The following DLG2 variants were observed in gnomAD, a reference collection of about 807,000 sequenced individuals.
DLG2 encodes the protein discs large MAGUK scaffold protein 2.
In DLG2, 45 loss-of-function variants were observed where a neutral mutation model predicts 132.5. The observed-to-expected ratio is 0.34, with a 90% CI of 0.27 to 0.44. DLG2 has a LOEUF of 0.44. DLG2 is among the 20% of genes least tolerant of loss of function. The pLI, the probability that DLG2 is intolerant of heterozygous loss-of-function variation, is 1.00. For missense variants in DLG2, 1,045 were observed against 1,196.9 expected (o/e 0.87, Z 1.87); for synonymous variants, 424 against 419.6 (o/e 1.01, Z -0.13).
chr11:84,272,221 G>A (rs1288124247), intron 7 of DLG2: 4 of 390,002 alleles, frequency 1.0e-5, no homozygotes, highest in South Asian at 1.9e-5. Context: ...AAGTGATTTC[G>A]AAGTTACAGG....
intron 10 of DLG2, among the ~76,000 whole-genome samples, chr11:84,087,667 T>A (rs2097012168): frequency 6.6e-6 from 1 of 152,050 alleles, no homozygotes; most frequent in South Asian, 2.1e-4. Flanking sequence ...TAAAGAAGAG[T>A]TAGTAGAGTC....
chr11:83,937,530 A>G (rs561335729), intron 14 of DLG2, among the ~76,000 whole-genome samples: 171 of 132,404 alleles, frequency 1.3e-3, no homozygotes, highest in Non-Finnish European at 2.3e-3. Context: ...AAAAAAAAAA[A>G]TTGAAACCAC....
At chr11:83,763,005 T>A (rs1218802406) in intron 18 of DLG2, among the ~76,000 whole-genome samples, 1 of 152,182 alleles carries the variant, frequency 6.6e-6, no homozygotes, top group Non-Finnish European at 1.5e-5. Flanking sequence ...ATCTGCCAGG[T>A]TGGCTTTTTG....
chr11:83,512,090 C>T (rs1320487053), intron 21 of DLG2, among the ~76,000 whole-genome samples: 2 of 152,132 alleles, frequency 1.3e-5, no homozygotes, highest in African/African-American at 4.8e-5. Flanking sequence ...CTGGAGACAG[C>T]TCAAAGGCAC....
intron 16 of DLG2, among the ~76,000 whole-genome samples, chr11:83,837,055 C>A (rs923531834): frequency 1.3e-5 from 2 of 152,132 alleles, no homozygotes; most frequent in African/African-American, 4.8e-5. Context: ...CTGCCTTGAA[C>A]CACCTTATTC....
intron 7 of DLG2, among the ~76,000 whole-genome samples, chr11:84,382,872 A>AC (rs971947378): frequency 3.4e-5 from 3 of 88,052 alleles, no homozygotes; most frequent in Non-Finnish European, 6.7e-5. Context: ...ACTCCGTCAC[A>AC]AAAAAAAAAA....
intron 6 of DLG2, among the ~76,000 whole-genome samples, chr11:85,022,714 A>G (rs570544190): frequency 1.3e-4 from 20 of 152,112 alleles, no homozygotes; most frequent in Non-Finnish European, 2.4e-4. Context: ...CCTCCTCATT[A>G]TTAATATTCA....
intron 8 of DLG2, among the ~76,000 whole-genome samples, chr11:84,176,513 A>G (rs912326011): frequency 6.6e-6 from 1 of 151,786 alleles, no homozygotes; most frequent in Non-Finnish European, 1.5e-5. Flanking sequence ...TTTCTCTGTT[A>G]GATTCAATTA....
At chr11:84,314,628 T>C (rs2098335840) in intron 7 of DLG2, among the ~76,000 whole-genome samples, 8 of 152,094 alleles carry the variant, frequency 5.3e-5, no homozygotes, top group Admixed American at 5.2e-4. Flanking sequence ...GAATGCAGCA[T>C]TCTTTGGAAG....
intron 6 of DLG2, among the ~76,000 whole-genome samples, chr11:84,588,182 C>G (rs2099534260): frequency 6.6e-6 from 1 of 152,116 alleles, no homozygotes; most frequent in African/African-American, 2.4e-5. Flanking sequence ...ATTTGCTGAG[C>G]TCCTACTATG....
At chr11:83,616,831 A>G (rs1256476938) in intron 19 of DLG2, among the ~76,000 whole-genome samples, 1 of 152,072 alleles carries the variant, frequency 6.6e-6, no homozygotes, top group East Asian at 1.9e-4. Context: ...GTATAGTGTG[A>G]GGTTGGGTCA....
At chr11:84,860,748 T>C (rs1292828607) in intron 6 of DLG2, among the ~76,000 whole-genome samples, 1 of 151,990 alleles carries the variant, frequency 6.6e-6, no homozygotes, top group African/African-American at 2.4e-5. Flanking sequence ...TTTTGGAATA[T>C]TATGCATTAG....
At chr11:85,095,383 T>C (rs2069565434) in intron 6 of DLG2, among the ~76,000 whole-genome samples, 1 of 152,214 alleles carries the variant, frequency 6.6e-6, no homozygotes, top group South Asian at 2.1e-4. Context: ...AAATGAGTCA[T>C]TTTTGTATTG....
intron 7 of DLG2, among the ~76,000 whole-genome samples, chr11:84,298,602 T>C (rs1482372861): frequency 2.0e-5 from 3 of 152,210 alleles, no homozygotes. Context: ...AAGCTTCTAA[T>C]ACGATAGTTG....
rs535438039 is a variant in DLG2 at position 85,557,544 on chromosome 11, G to A, written c.40+41113C>T. The stretch of plus-strand genomic sequence containing the variant: ...CAATGCCAGAGTCATCACATTACCC[G>A]ACCTCAAACTACACCCTAAAGCTAC... On this transcript the variant is annotated intron_variant, in intron 3 of 27. Coordinates refer to ENST00000376104, the MANE Select transcript of DLG2 (RefSeq NM_001142699.3). Among the ~76,000 whole-genome samples the A allele has an allele frequency of 6.6e-5, 10 of 151,664 alleles. No individual in the cohort carries two copies. In the South Asian group the frequency reaches 1.0e-3, roughly 16 times the overall value.
intron 8 of DLG2, among the ~76,000 whole-genome samples, chr11:84,215,838 T>G (rs1395595561): frequency 6.6e-6 from 1 of 152,180 alleles, no homozygotes; most frequent in Non-Finnish European, 1.5e-5. Flanking sequence ...AAATGATGTA[T>G]TGGACAATGT....
chr11:83,928,843 A>G (rs113446797), intron 15 of DLG2, among the ~76,000 whole-genome samples: 2,463 of 152,318 alleles, frequency 0.016, 34 homozygotes, highest in South Asian at 0.032. Context: ...AGAGCTCAAT[A>G]AATGTTAGCT....
chr11:84,601,120 A>G (rs1433229110), intron 6 of DLG2, among the ~76,000 whole-genome samples: 1 of 152,160 alleles, frequency 6.6e-6, no homozygotes, highest in Non-Finnish European at 1.5e-5. Context: ...GATTGTACAC[A>G]GGTAACCCGC....
chr11:84,410,964 A>G (rs2154457763), intron 7 of DLG2, among the ~76,000 whole-genome samples: 1 of 152,286 alleles, frequency 6.6e-6, no homozygotes, highest in East Asian at 1.9e-4. Context: ...GTAGAATATC[A>G]TTTTCCTGTT....
Sources: gnomAD v4.1 joint callset for allele counts (sites outside exome capture counted in the v4.1 genomes callset) on GRCh38, gnomAD v4.1.1 for gene constraint, MANE v1.5 for transcripts, NCBI Gene and HGNC (gene_info 2026-07-23, HGNC 2026-07-21) for gene names.